Variants in SLC7A6 observed in about 807,000 individuals in gnomAD.
SLC7A6 encodes solute carrier family 7 member 6, also known as Y+L amino acid transporter 2.
SLC7A6 carries 29 observed loss-of-function variants against 46.6 expected under a neutral mutation model. The observed-to-expected ratio is 0.62, with a 90% CI of 0.46 to 0.85. The LOEUF (loss-of-function observed/expected upper bound fraction) is 0.85, where lower values mean the gene tolerates loss of function less well. Ranked by LOEUF, SLC7A6 falls within the 40% of genes least tolerant of loss-of-function variation. The pLI is 0.00. For missense variants in SLC7A6, 527 were observed against 647.6 expected (o/e 0.81, Z 2.02); for synonymous variants, 276 against 257.3 (o/e 1.07, Z -0.70).
At chr16:68,275,425 G>A (rs1486257424) in intron 3 of SLC7A6, among the ~76,000 whole-genome samples, 176 bp downstream of exon 3, 3 of 151,728 alleles carry the variant, frequency 2.0e-5, no homozygotes, top group African/African-American at 4.8e-5. Context: ...GAGAAACCCC[G>A]TCTCTACTGA....
chr16:68,268,940 G>A (rs944208757), intron 2 of SLC7A6, among the ~76,000 whole-genome samples: 2 of 152,176 alleles, frequency 1.3e-5, no homozygotes, highest in Non-Finnish European at 2.9e-5. Flanking sequence ...CCAGGAGGCG[G>A]AGGTTGCAGT....
Position 68,294,748 on chromosome 16 carries a change from C to T in SLC7A6, c.1066C>T (p.Leu356=), listed in dbSNP as rs1296524616. The T allele has an allele frequency of 3.7e-6, 6 of 1,614,130 alleles. No individual in the cohort carries two copies. Among genetic ancestry groups the T allele is most frequent in the Non-Finnish European group, 5.1e-6 (6 of 1,179,976 alleles). Residue 356 remains leucine, a synonymous_variant, in exon 8 of 11, where the codon CTG becomes TTG. Coordinates refer to ENST00000219343, the MANE Select transcript of SLC7A6 (RefSeq NM_003983.6). Reference sequence around the variant, plus strand: ...CCGGGAGGGCCACCTACCGGACCTTCTGTCCATGATCCACATTGAGCGTTT... The same window carrying T: ...CCGGGAGGGCCACCTACCGGACCTTTTGTCCATGATCCACATTGAGCGTTT... ...GSREGHLPDL[L]SMIHIERFTP...
intron 3 of SLC7A6, among the ~76,000 whole-genome samples, chr16:68,286,489 G>T (rs1390698250): frequency 6.6e-6 from 1 of 152,148 alleles, no homozygotes; most frequent in Non-Finnish European, 1.5e-5. Context: ...AAGTGGGTAG[G>T]AGTAAGTGGA....
At chr16:68,280,984 C>T (rs1027406567) in intron 3 of SLC7A6, among the ~76,000 whole-genome samples, 1 of 152,190 alleles carries the variant, frequency 6.6e-6, no homozygotes, top group Non-Finnish European at 1.5e-5. Context: ...CCGCCCACCT[C>T]GGCCTCCCAA....
At chr16:68,269,167 C>T (rs1298335047) in intron 2 of SLC7A6, among the ~76,000 whole-genome samples, 1 of 152,162 alleles carries the variant, frequency 6.6e-6, no homozygotes, top group Non-Finnish European at 1.5e-5. Flanking sequence ...GCATGCTGTT[C>T]AACTTTTTCA....
At chr16:68,287,432 A>T (rs1034224479) in intron 3 of SLC7A6, 1 of 1,321,272 alleles carries the variant, frequency 7.6e-7, no homozygotes, top group African/African-American at 1.5e-5. Flanking sequence ...CTGGGTGGGA[A>T]AGAGTAGGTG....
At chr16:68,296,094 G>A (rs9788810) in intron 8 of SLC7A6, among the ~76,000 whole-genome samples, 80,996 of 151,874 alleles carry the variant, frequency 0.53, 22,088 homozygotes, top group East Asian at 0.81. Flanking sequence ...GGGCCTCAGC[G>A]TCTGCCTTTT....
Position 68,296,444 on chromosome 16 carries a change from C to T in SLC7A6, c.1200C>T (p.Phe400=), listed in dbSNP as rs149574667. 19 of 1,614,010 alleles carry T rather than the reference C, an allele frequency of 1.2e-5. No homozygotes were observed. In the South Asian group the frequency reaches 1.2e-4, roughly 10 times the overall value. The change falls in exon 9 of 11, where the codon TTC becomes TTT. Residue 400 remains phenylalanine, a synonymous_variant. Coordinates refer to ENST00000219343, the MANE Select transcript of SLC7A6 (RefSeq NM_003983.6). ...INYFSFSYWF[F]VGLSVVGQLY... Reference sequence around the variant, plus strand: ...ACTTCAGCTTCAGCTACTGGTTCTTCGTGGGCCTGTCTGTTGTTGGACAGC... The same window carrying T: ...ACTTCAGCTTCAGCTACTGGTTCTTTGTGGGCCTGTCTGTTGTTGGACAGC...
intron 3 of SLC7A6, among the ~76,000 whole-genome samples, chr16:68,277,119 C>T (rs572981484): frequency 1.3e-5 from 2 of 151,576 alleles, no homozygotes; most frequent in South Asian, 4.2e-4. Flanking sequence ...TAGAGTCTTG[C>T]TCTGTCACCC....
chr16:68,274,364 G>C lies in SLC7A6; in HGVS notation c.-36-327G>C, dbSNP rs150864703. 2.4e-4 allele frequency among the ~76,000 whole-genome samples: 36 copies of C among 152,316 alleles called. No homozygotes were observed. In the East Asian group the frequency reaches 4.4e-3, roughly 19 times the overall value. ...AGGTTTGTGGGTTTTAAGCTGGTGA[G>C]AACAGAGCAGAAATCTATAACTCAA... is the stretch of plus-strand genomic sequence containing the variant. On this transcript the variant is annotated intron_variant, in intron 2 of 10. Transcript: ENST00000219343.
intron 3 of SLC7A6, among the ~76,000 whole-genome samples, chr16:68,276,567 TG>T (rs958741320): frequency 6.6e-6 from 1 of 152,110 alleles, no homozygotes; most frequent in African/African-American, 2.4e-5. Context: ...CCATATTCCT[TG>T]GGATAGTGAG....
rs1010274818 is a variant in SLC7A6 at position 68,300,745 on chromosome 16, T to C, written c.*3417T>C. 1 of 985,396 alleles carries C rather than the reference T, an allele frequency of 1.0e-6. No individual in the cohort carries two copies. Among genetic ancestry groups the C allele is most frequent in the African/African-American group, 1.7e-5 (1 of 57,252 alleles). The allele number at this position is 985,396 out of a possible 1,614,324, so 61.0% of individuals were successfully genotyped here. ...ATCAGAGTTTGGAAGCAGAAATAGC[T>C]GTTAACTAAAATCTCCCACTGCTCA... On this transcript the variant is annotated 3_prime_UTR_variant, in exon 11 of 11. Transcript: ENST00000219343.
chr16:68,272,404 G>C (rs909501352), intron 2 of SLC7A6, among the ~76,000 whole-genome samples: 2 of 152,182 alleles, frequency 1.3e-5, no homozygotes, highest in Non-Finnish European at 2.9e-5. Context: ...ACTCCAGCCT[G>C]GGTGACAAAG....
At chr16:68,292,446 TCTCCTCTCCACTTAGGAGAGACAC>T (rs2043076658) in intron 7 of SLC7A6, 1 of 152,216 alleles carries the variant, frequency 6.6e-6, no homozygotes. Context: ...CAATAGCTTC[TCTCCTCTCCACTTAGGAGAGACAC>T]AAAATAGCGT....
At chr16:68,271,940 T>C in intron 2 of SLC7A6, among the ~76,000 whole-genome samples, 1 of 152,124 alleles carries the variant, frequency 6.6e-6, no homozygotes, top group Non-Finnish European at 1.5e-5. Context: ...TAGCTGGGAC[T>C]ACAAGTGCAT....
In SLC7A6 at chr16:68,274,230, T is replaced by C. The variant is rs3826165; in HGVS notation, c.-36-461T>C. On this transcript the variant is annotated intron_variant, in intron 2 of 10. Coordinates refer to ENST00000219343, the MANE Select transcript of SLC7A6 (RefSeq NM_003983.6). The stretch of plus-strand genomic sequence containing the variant: ...GACATTGCAGAAGTCCCAGTTTACA[T>C]TGGGTAGAGGTGACTGGGCAGGATT... Among the ~76,000 whole-genome samples, 644 of 152,286 alleles carry C rather than the reference T, an allele frequency of 4.2e-3. 11 individuals carry two copies. The East Asian group carries it at 0.07, about 17-fold the overall frequency.
intron 3 of SLC7A6, among the ~76,000 whole-genome samples, chr16:68,280,009 G>A (rs1377443523): frequency 6.6e-6 from 1 of 152,216 alleles, no homozygotes; most frequent in East Asian, 1.9e-4. Context: ...CTTCCGACTA[G>A]GGTAGGCTTT....
At position 68,301,447 on chromosome 16, in the gene SLC7A6, C is replaced by T. The variant is rs148061780; in HGVS notation, c.*4119C>T. On this transcript the variant is annotated 3_prime_UTR_variant, in exon 11 of 11. Coordinates refer to ENST00000219343, the MANE Select transcript of SLC7A6 (RefSeq NM_003983.6). ...GGAGTGGATTCTAAATGTGATTTTC[C>T]TAGGCTACTGCAGGAGCCCCTTCTC... The T allele has an allele frequency of 2.2e-5, 35 of 1,587,660 alleles. No homozygotes were observed. Among genetic ancestry groups the T allele is most frequent in the Non-Finnish European group, 2.8e-5 (33 of 1,160,950 alleles).
chr16:68,274,440 G>C (rs1243795575), intron 2 of SLC7A6, among the ~76,000 whole-genome samples: 1 of 152,204 alleles, frequency 6.6e-6, no homozygotes, highest in Non-Finnish European at 1.5e-5. Context: ...CTGGGCTGCA[G>C]GACAGGTATT....
Sources: allele counts gnomAD v4.1 joint callset (sites outside exome capture counted in the v4.1 genomes callset), GRCh38; gene constraint gnomAD v4.1.1; transcripts MANE v1.5; gene names NCBI Gene and HGNC (gene_info 2026-07-23, HGNC 2026-07-21).